HORMAD2: variants seen among roughly 807,000 people sequenced by gnomAD.
HORMAD2 encodes the protein HORMA domain-containing protein 2.
In HORMAD2, 45 loss-of-function variants were observed where a neutral mutation model predicts 38.8. The observed-to-expected ratio is 1.16, with a 90% CI of 0.91 to 1.49. The LOEUF (loss-of-function observed/expected upper bound fraction) is 1.49. Ranked by LOEUF, HORMAD2 falls within the 40% of genes most tolerant of loss-of-function variation. HORMAD2 has a pLI of 0.00. For missense variants in HORMAD2, 338 were observed against 367.0 expected, an observed-to-expected ratio of 0.92 and a Z score of 0.65; for synonymous variants, 126 against 122.8, an observed-to-expected ratio of 1.03 and a Z score of -0.17.
At chr22:30,103,247 C>A (rs951604277) in intron 3 of HORMAD2, among the ~76,000 whole-genome samples, 190 bp from the exon 4 acceptor site, 1 of 152,004 alleles carries the variant, frequency 6.6e-6, no homozygotes, top group African/African-American at 2.4e-5. Context: ...GAAATTGAGA[C>A]CAAGCTACTT....
At chr22:30,143,543 C>T (rs759103975) in intron 10 of HORMAD2, among the ~76,000 whole-genome samples, 6 of 152,022 alleles carry the variant, frequency 3.9e-5, no homozygotes, top group East Asian at 3.9e-4. Flanking sequence ...CAGCTGTTTT[C>T]GTTATAGGGG....
chr22:30,123,329 TTTG>T (rs1413489088), intron 10 of HORMAD2, among the ~76,000 whole-genome samples: 1 of 152,116 alleles, frequency 6.6e-6, no homozygotes, highest in East Asian at 1.9e-4. Flanking sequence ...GCTAGTTTTT[TTTG>T]TTGTTGTTCT....
the HORMAD2 span, among the ~76,000 whole-genome samples, chr22:30,186,014 G>A: frequency 6.6e-6 from 1 of 150,994 alleles, no homozygotes; most frequent in Non-Finnish European, 1.5e-5. Context: ...CTTGGGGGGG[G>A]AGGCATATAT....
intron 10 of HORMAD2, among the ~76,000 whole-genome samples, chr22:30,128,955 C>T (rs561674149): frequency 1.3e-5 from 2 of 152,218 alleles, no homozygotes; most frequent in Admixed American, 1.3e-4. Flanking sequence ...TGGCTCACGC[C>T]TGTAACCCCA....
the HORMAD2 span, among the ~76,000 whole-genome samples, chr22:30,198,508 CTT>C: frequency 1.0e-4 from 15 of 149,654 alleles, no homozygotes; most frequent in South Asian, 2.1e-4. Flanking sequence ...GAGCACAGAT[CTT>C]TTTTTTTTTT....
At chr22:30,164,115 G>A (rs1366052381) in intron 10 of HORMAD2, among the ~76,000 whole-genome samples, 4 of 152,134 alleles carry the variant, frequency 2.6e-5, no homozygotes, top group Non-Finnish European at 5.9e-5. Flanking sequence ...CCATGTTTGA[G>A]CATGTATCAG....
At chr22:30,121,530 T>C (rs542094508) in intron 8 of HORMAD2, 102 bp from the exon 9 acceptor site, 22 of 875,382 alleles carry the variant, frequency 2.5e-5, no homozygotes, top group Non-Finnish European at 2.9e-5. Context: ...AATATACTAA[T>C]GTTTAATTTA....
chr22:30,096,152 G>A (rs903148391), intron 2 of HORMAD2, among the ~76,000 whole-genome samples: 2 of 152,044 alleles, frequency 1.3e-5, no homozygotes, highest in Non-Finnish European at 2.9e-5. Flanking sequence ...TATTCCATTG[G>A]GGGCGTATAC....
At chr22:30,167,423 C>T (rs2123729463) in intron 10 of HORMAD2, among the ~76,000 whole-genome samples, 1 of 152,254 alleles carries the variant, frequency 6.6e-6, no homozygotes, top group South Asian at 2.1e-4. Context: ...ATCCAATTTG[C>T]CTGGAGTTAG....
At chr22:30,186,912 G>A in the HORMAD2 span, among the ~76,000 whole-genome samples, 1 of 151,136 alleles carries the variant, frequency 6.6e-6, no homozygotes, top group African/African-American at 2.4e-5. Flanking sequence ...GGTTGGGGGT[G>A]GGGGGGTCAT....
the HORMAD2 span, among the ~76,000 whole-genome samples, chr22:30,203,989 ACACATG>A: frequency 6.6e-5 from 10 of 152,244 alleles, no homozygotes; most frequent in South Asian, 2.1e-3. Flanking sequence ...ACATGCACAC[ACACATG>A]TGCATCCTCA....
chr22:30,202,239 C>G, the HORMAD2 span, among the ~76,000 whole-genome samples: 1 of 152,124 alleles, frequency 6.6e-6, no homozygotes, highest in Non-Finnish European at 1.5e-5. Flanking sequence ...CCTCAGGAAG[C>G]TTGCAGTCTA....
chr22:30,100,633 T>A (rs1920936332), intron 3 of HORMAD2, among the ~76,000 whole-genome samples: 1 of 152,140 alleles, frequency 6.6e-6, no homozygotes. Context: ...GAAATTGTCA[T>A]CAGAGTGAAC....
the HORMAD2 span, among the ~76,000 whole-genome samples, chr22:30,205,226 A>T: frequency 6.6e-6 from 1 of 152,076 alleles, no homozygotes; most frequent in Non-Finnish European, 1.5e-5. Context: ...CTGGTCAGAG[A>T]GGGTGTGTGT....
chr22:30,152,352 A>G (rs1386153881), intron 10 of HORMAD2, among the ~76,000 whole-genome samples: 1 of 151,650 alleles, frequency 6.6e-6, no homozygotes, highest in East Asian at 1.9e-4. Flanking sequence ...TTGTGCCACC[A>G]TGCCTGGCTA....
At chr22:30,205,171 A>G in the HORMAD2 span, among the ~76,000 whole-genome samples, 1 of 152,104 alleles carries the variant, frequency 6.6e-6, no homozygotes, top group East Asian at 1.9e-4. Context: ...CCTTAAAACA[A>G]CTCCAGAGGT....
chr22:30,092,318 T>C (rs2068704309), intron 1 of HORMAD2, among the ~76,000 whole-genome samples: 1 of 151,758 alleles, frequency 6.6e-6, no homozygotes, highest in African/African-American at 2.4e-5. Flanking sequence ...ATGCCTTCTT[T>C]TGAGAAATGT....
At chr22:30,164,739 C>T (rs2123723106) in intron 10 of HORMAD2, among the ~76,000 whole-genome samples, 1 of 152,302 alleles carries the variant, frequency 6.6e-6, no homozygotes, top group Middle Eastern at 3.4e-3. Flanking sequence ...GGCGATCCTC[C>T]TGCCTCAGCC....
chr22:30,163,301 G>A (rs1014828011), intron 10 of HORMAD2, among the ~76,000 whole-genome samples: 1 of 152,160 alleles, frequency 6.6e-6, no homozygotes, highest in African/African-American at 2.4e-5. Flanking sequence ...CACCTAGGGG[G>A]CCAGAAGATA....
Sources: allele counts gnomAD v4.1 joint callset (sites outside exome capture counted in the v4.1 genomes callset), GRCh38; gene constraint gnomAD v4.1.1; transcripts MANE v1.5; gene names NCBI Gene and HGNC (gene_info 2026-07-23, HGNC 2026-07-21).